Variants in NCOA1 observed in about 807,000 individuals in gnomAD.
NCOA1 encodes the protein nuclear receptor coactivator 1, also known as Hin-2 protein.
Under a neutral mutation model 150.9 loss-of-function variants are expected in NCOA1, and 35 were observed. The observed-to-expected ratio is 0.23, with a 90% CI of 0.18 to 0.31. The LOEUF (loss-of-function observed/expected upper bound fraction) is 0.31, where lower values mean the gene tolerates loss of function less well. Ranked by LOEUF, NCOA1 falls within the 10% of genes least tolerant of loss-of-function variation. The probability of loss-of-function intolerance (pLI) is 1.00; values close to 1 mark genes in which losing one functional copy is unlikely to be tolerated. For missense variants in NCOA1, 1,491 were observed against 1,749.3 expected (o/e 0.85, Z 2.63); for synonymous variants, 590 against 630.0 (o/e 0.94, Z 0.95).
chr2:24,697,568 AAT>A, intron 10 of NCOA1, 88 bp from the exon 11 acceptor site: 3 of 1,154,204 alleles, frequency 2.6e-6, no homozygotes, highest in Non-Finnish European at 3.6e-6. Context: ...ATTTGGAAAG[AAT>A]ATTTCTTAGA....
At chr2:24,550,787 C>G (rs777513873) in intron 1 of NCOA1, among the ~76,000 whole-genome samples, 9 of 152,114 alleles carry the variant, frequency 5.9e-5, no homozygotes, top group Non-Finnish European at 1.2e-4. Flanking sequence ...CCTTTTTGTA[C>G]CAAGTATTTG....
intron 3 of NCOA1, among the ~76,000 whole-genome samples, chr2:24,627,591 T>C (rs1414978837): frequency 6.6e-6 from 1 of 152,182 alleles, no homozygotes; most frequent in African/African-American, 2.4e-5. Context: ...TAATATTTAC[T>C]TTTTCTTGGG....
intron 3 of NCOA1, among the ~76,000 whole-genome samples, chr2:24,643,228 T>C (rs1169669811): frequency 1.3e-5 from 2 of 152,216 alleles, no homozygotes; most frequent in Non-Finnish European, 2.9e-5. Flanking sequence ...GACTGTGGTT[T>C]TCTCCTTTAA....
At chr2:24,712,292 CAGTA>C (rs1353476772) in intron 14 of NCOA1, among the ~76,000 whole-genome samples, 1 of 152,168 alleles carries the variant, frequency 6.6e-6, no homozygotes, top group African/African-American at 2.4e-5. Flanking sequence ...ATTGAGGAAA[CAGTA>C]AGATGCAAGG....
At chr2:24,749,892 A>G (rs919047812) in intron 19 of NCOA1, among the ~76,000 whole-genome samples, 1 of 152,208 alleles carries the variant, frequency 6.6e-6, no homozygotes, top group African/African-American at 2.4e-5. Flanking sequence ...CAGAGACATT[A>G]AAGCAATTAT....
chr2:24,517,310 C>T (rs1253820547), intron 1 of NCOA1, among the ~76,000 whole-genome samples: 2 of 151,734 alleles, frequency 1.3e-5, no homozygotes, highest in Non-Finnish European at 2.9e-5. Context: ...ATCTCTTCTG[C>T]TTGTCACTGC....
At chr2:24,617,954 T>C (rs1668948753) in intron 3 of NCOA1, among the ~76,000 whole-genome samples, 1 of 152,154 alleles carries the variant, frequency 6.6e-6, no homozygotes, top group South Asian at 2.1e-4. Flanking sequence ...AAGGAACATA[T>C]GTAAACTTAG....
chr2:24,503,243 T>TTCTTA (rs781203938), intron 1 of NCOA1, among the ~76,000 whole-genome samples: 190 of 152,318 alleles, frequency 1.2e-3, no homozygotes, highest in Non-Finnish European at 1.9e-3. Context: ...GGAGAACGTG[T>TTCTTA]TGTTCTACAA....
chr2:24,522,678 A>T (rs1664466050), intron 1 of NCOA1, among the ~76,000 whole-genome samples: 1 of 152,210 alleles, frequency 6.6e-6, no homozygotes, highest in Non-Finnish European at 1.5e-5. Context: ...ATGTCAAGGG[A>T]TGATTTGGGA....
chr2:24,620,995 A>C (rs1669125694), intron 3 of NCOA1, among the ~76,000 whole-genome samples: 1 of 152,186 alleles, frequency 6.6e-6, no homozygotes, highest in African/African-American at 2.4e-5. Context: ...AAGAAATGCT[A>C]CTTTGAATTC....
intron 14 of NCOA1, among the ~76,000 whole-genome samples, chr2:24,718,023 A>G (rs376756035): frequency 6.6e-6 from 1 of 151,758 alleles, no homozygotes; most frequent in East Asian, 1.9e-4. Context: ...CAGCCTTCCA[A>G]GTAGCTGGGA....
chr2:24,537,516 G>C (rs1012661669), intron 1 of NCOA1, among the ~76,000 whole-genome samples: 5 of 150,662 alleles, frequency 3.3e-5, no homozygotes, highest in Admixed American at 6.6e-5. Context: ...CTCTCTCTCT[G>C]TATATATATA....
rs1024301869 is a variant in NCOA1, at chr2:24,742,284, G to A, written c.3706+98G>A. On this transcript the variant is annotated intron_variant, in intron 19 of 22. Transcript: ENST00000348332. Reference sequence around the variant, plus strand: ...GTGCTTGGACATTAAAATAGTGTGTGGAAGAGGAAAGACACTGACGTGGGA... The same window carrying A: ...GTGCTTGGACATTAAAATAGTGTGTAGAAGAGGAAAGACACTGACGTGGGA... The A allele has an allele frequency of 1.0e-5, 14 of 1,397,380 alleles. No individual in the cohort carries two copies. In the South Asian group the frequency reaches 1.6e-4, roughly 16 times the overall value. The allele number at this position is 1,397,380 out of a possible 1,614,324, so 86.6% of individuals were successfully genotyped here. A position where few individuals can be genotyped will look rare whatever the true frequency, so the allele number is the denominator to read the frequency against.
At chr2:24,547,235 G>T (rs1665639191) in intron 1 of NCOA1, among the ~76,000 whole-genome samples, 1 of 152,050 alleles carries the variant, frequency 6.6e-6, no homozygotes, top group South Asian at 2.1e-4. Flanking sequence ...TAGAAATTAG[G>T]TTATAAATCT....
chr2:24,624,539 C>G (rs370347237), intron 3 of NCOA1, among the ~76,000 whole-genome samples: 152 of 152,250 alleles, frequency 1.0e-3, no homozygotes, highest in African/African-American at 3.5e-3. Context: ...CCCTGCCTAC[C>G]AACCCTGCTT....
At chr2:24,566,805 C>T (rs936344804) in intron 2 of NCOA1, among the ~76,000 whole-genome samples, 2 of 152,260 alleles carry the variant, frequency 1.3e-5, no homozygotes, top group Non-Finnish European at 2.9e-5. Context: ...CAACAGTGCC[C>T]GGCCTTGGCC....
At position 24,574,961 on chromosome 2, in the gene NCOA1, G is replaced by A. The variant is rs112845091; in HGVS notation, c.-259-9515G>A. Among the ~76,000 whole-genome samples, 357 of 151,912 alleles carry A rather than the reference G, an allele frequency of 2.4e-3. 2 individuals carry two copies. The highest frequency in any genetic ancestry group is 2.8e-3 in the African/African-American group (115 of 41,424). On this transcript the variant is annotated intron_variant, in intron 2 of 22. Coordinates refer to ENST00000348332, the MANE Select transcript of NCOA1 (RefSeq NM_003743.5). ...CAACAATTTGATTATGATAATTGTC[G>A]GTGTGATTTTCTTTGTTTATCCTGC... is the stretch of plus-strand genomic sequence containing the variant.
intron 1 of NCOA1, among the ~76,000 whole-genome samples, chr2:24,507,000 C>G (rs1038323215): frequency 5.9e-5 from 9 of 152,144 alleles, no homozygotes; most frequent in Non-Finnish European, 1.0e-4. Context: ...TTGTAGAATT[C>G]TTGTGAGGGT....
chr2:24,639,463 T>G (rs1334881439), intron 3 of NCOA1, among the ~76,000 whole-genome samples: 2 of 152,160 alleles, frequency 1.3e-5, no homozygotes, highest in African/African-American at 4.8e-5. Context: ...TTTTATCAAT[T>G]TTTTACCTTT....
Sources: gnomAD v4.1 joint callset for allele counts (sites outside exome capture counted in the v4.1 genomes callset) on GRCh38, gnomAD v4.1.1 for gene constraint, MANE v1.5 for transcripts, NCBI Gene and HGNC (gene_info 2026-07-23, HGNC 2026-07-21) for gene names.